CSF2RA: variants seen among roughly 807,000 people sequenced by gnomAD.
CSF2RA encodes the protein colony stimulating factor 2 receptor subunit alpha.
Under a neutral mutation model 51.6 loss-of-function variants are expected in CSF2RA, and 42 were observed. The ratio of observed to expected loss-of-function variants is 0.81; its 90% CI spans 0.64 to 1.05. CSF2RA has a LOEUF of 1.05. CSF2RA is among the 50% of genes least tolerant of loss of function. The probability of loss-of-function intolerance (pLI) is 0.00; values close to 1 mark genes in which losing one functional copy is unlikely to be tolerated. For missense variants in CSF2RA, 530 were observed against 501.1 expected (o/e 1.06, Z -0.55); for synonymous variants, 222 against 193.0 (o/e 1.15, Z -1.24).
chrX:1,320,870 C>T, the CSF2RA span, among the ~76,000 whole-genome samples: 1 of 150,754 alleles, frequency 6.6e-6, no homozygotes. Flanking sequence ...GACAGAGTCT[C>T]ACTCTGTCAC....
intron 6 of CSF2RA, among the ~76,000 whole-genome samples, chrX:1,290,081 T>TTGGGTTTGTTTTGTGTTTG (rs1292666595): frequency 6.6e-6 from 1 of 151,872 alleles, no homozygotes; most frequent in Non-Finnish European, 1.5e-5. Context: ...ATTTGTGTTT[T>TTGGGTTTGTTTTGTGTTTG]TGTGTTTTGT....
At chrX:1,314,601 ACCCC>A (rs2084425068), downstream of CSF2RA, among the ~76,000 whole-genome samples, 1 of 27,958 alleles carries the variant, frequency 3.6e-5, no homozygotes, top group African/African-American at 1.3e-4. Context: ...CACCTGCCCA[ACCCC>A]ACTGCACCTG....
At chrX:1,323,926 A>G in the CSF2RA span, among the ~76,000 whole-genome samples, 21 of 151,972 alleles carry the variant, frequency 1.4e-4, no homozygotes, top group East Asian at 3.9e-4. Flanking sequence ...AGGCAGGAGA[A>G]TGGCGTGAAC....
At chrX:1,315,210 A>T (rs67227441), downstream of CSF2RA, among the ~76,000 whole-genome samples, 50 of 151,824 alleles carry the variant, frequency 3.3e-4, no homozygotes, top group Admixed American at 2.3e-3. Context: ...TATGATGAGG[A>T]CAGGTGTGGT....
chrX:1,297,958 CCCCTACACTCTCCTACCCAT>C (rs1569507448), intron 9 of CSF2RA, among the ~76,000 whole-genome samples: 417 of 26,992 alleles, frequency 0.015, no homozygotes, highest in Middle Eastern at 0.042. Context: ...CTACTCACGA[CCCCTACACTCTCCTACCCAT>C]GACCCCTGGC....
chrX:1,280,910 T>TCCTCCTCCTC (rs2089870489), intron 2 of CSF2RA, among the ~76,000 whole-genome samples: 2 of 33,212 alleles, frequency 6.0e-5, no homozygotes, highest in African/African-American at 2.7e-4. Context: ...TCCTGCTCCT[T>TCCTCCTCCTC]CTCCTCCTCC....
At chrX:1,295,265 C>G (rs1361847844) in intron 8 of CSF2RA, among the ~76,000 whole-genome samples, 162 bp from the exon 9 acceptor site, 7 of 152,142 alleles carry the variant, frequency 4.6e-5, no homozygotes, top group Non-Finnish European at 1.0e-4. Context: ...CTCATCCTAC[C>G]TGTCTTGTAG....
chrX:1,306,075 C>A, intron 12 of CSF2RA: 1 of 365,322 alleles, frequency 2.7e-6, no homozygotes, highest in Non-Finnish European at 5.2e-6. Context: ...GAGCGAGACT[C>A]CATCTCAAAA....
the CSF2RA span, among the ~76,000 whole-genome samples, chrX:1,322,439 G>GTTT: frequency 0.074 from 8,935 of 120,136 alleles, 450 homozygotes; most frequent in South Asian, 0.11. Context: ...GTGTGTGTTT[G>GTTT]TTTTTTTTTT....
intron 9 of CSF2RA, among the ~76,000 whole-genome samples, chrX:1,296,927 C>G (rs2091998761): frequency 1.3e-5 from 1 of 79,376 alleles, no homozygotes; most frequent in African/African-American, 5.4e-5. Flanking sequence ...CGGAACCGTA[C>G]AGTCCCCTAC....
At position 1,283,751 on chromosome X, in the gene CSF2RA, G is replaced by T. The variant is rs190544715; in HGVS notation, c.76+972G>T. On this transcript the variant is annotated intron_variant, in intron 3 of 12. Coordinates refer to ENST00000381529, the MANE Select transcript of CSF2RA (RefSeq NM_172245.4). ...CCCAGCTAATTTTTTTGTATTTTTA[G>T]TAGAGATGGGGTTTTGTCATGTTGG... Among the ~76,000 whole-genome samples, 809 of 151,848 alleles carry T rather than the reference G, an allele frequency of 5.3e-3. 10 individuals carry two copies. The highest frequency in any genetic ancestry group is 0.018 in the African/African-American group (753 of 41,424).
Position 1,309,891 on chromosome X carries a change from A to G in CSF2RA, c.*412A>G. ...TGACAGAGCAAGATTGCATCTCAAA[A>G]CAAACAATAATAATAAATAATAAAA... On this transcript the variant is annotated 3_prime_UTR_variant, in exon 13 of 13. Transcript: ENST00000381529. 1 of 580,074 alleles carries G rather than the reference A, an allele frequency of 1.7e-6. No homozygotes were observed. The highest frequency in any genetic ancestry group is 3.0e-6 in the Non-Finnish European group (1 of 327,888). The allele number at this position is 580,074 out of a possible 1,614,324, so 35.9% of individuals were successfully genotyped here. A position where few individuals can be genotyped will look rare whatever the true frequency, so the allele number is the denominator to read the frequency against.
chrX:1,271,810 C>A (rs1241857094), intron 1 of CSF2RA, among the ~76,000 whole-genome samples: 4 of 152,120 alleles, frequency 2.6e-5, no homozygotes, highest in East Asian at 3.9e-4. Context: ...AACCACGGAG[C>A]CCGGCCGGAT....
At position 1,268,876 on chromosome X, in the gene CSF2RA, G is replaced by C. The variant is rs1440838792; in HGVS notation, c.-94G>C. 2 of 454,012 alleles carry C rather than the reference G, an allele frequency of 4.4e-6. No individual in the cohort carries two copies. Among genetic ancestry groups the C allele is most frequent in the South Asian group, 3.1e-5 (2 of 64,460 alleles). 28.1% of individuals were successfully genotyped at this position (454,012 alleles called of 1,614,324 possible). A position where few individuals can be genotyped will look rare whatever the true frequency, so the allele number is the denominator to read the frequency against. On this transcript the variant is annotated 5_prime_UTR_variant, in exon 1 of 13. Transcript: ENST00000381529. ...TGGAAGGAGAGGAAGCGGATGCCGT[G>C]GGGGTAAGCTAAGTTCTTTCCTTCT...
At chrX:1,275,552 TTTTA>T (rs200223608) in intron 2 of CSF2RA, among the ~76,000 whole-genome samples, 10 of 151,382 alleles carry the variant, frequency 6.6e-5, no homozygotes, top group African/African-American at 2.4e-4. Context: ...TTTTACTTTA[TTTTA>T]TTTATTTATT....
At chrX:1,275,781 A>G (rs1406845755) in intron 2 of CSF2RA, among the ~76,000 whole-genome samples, 4 of 151,640 alleles carry the variant, frequency 2.6e-5, no homozygotes, top group African/African-American at 7.3e-5. Context: ...GATGGTCTCG[A>G]TCTCCTGACT....
rs375051913 is a variant in CSF2RA at position 1,288,932 on chromosome X, T to C, written c.473+44T>C. 5.9e-5 allele frequency: 95 copies of C among 1,611,540 alleles called. 1 individual carries two copies. The highest frequency in any genetic ancestry group is 3.1e-4 in the South Asian group (28 of 91,018). Reference sequence around the variant, plus strand: ...TGAAGAATTATGAGGAATGCAGGGATGGGAGAAAAAATCATGCTGGTTTTC... The same window carrying C: ...TGAAGAATTATGAGGAATGCAGGGACGGGAGAAAAAATCATGCTGGTTTTC... On this transcript the variant is annotated intron_variant, in intron 6 of 12. Transcript: ENST00000381529.
downstream of CSF2RA, chrX:1,309,973 A>G (rs1296164743): frequency 6.0e-6 from 3 of 503,152 alleles, no homozygotes; most frequent in African/African-American, 5.8e-5. Context: ...ACTTTGGAGG[A>G]TTGCTGGAGA....
chrX:1,310,244 A>G (rs1282264626), downstream of CSF2RA: 8 of 158,740 alleles, frequency 5.0e-5, no homozygotes, highest in African/African-American at 1.9e-4. Flanking sequence ...AAGCTTTTGC[A>G]TCTCTTTCCA....
Sources: gnomAD v4.1 joint callset for allele counts (sites outside exome capture counted in the v4.1 genomes callset) on GRCh38, gnomAD v4.1.1 for gene constraint, MANE v1.5 for transcripts, NCBI Gene and HGNC (gene_info 2026-07-23, HGNC 2026-07-21) for gene names.